The following CA10 variants were observed in gnomAD, a reference collection of about 807,000 sequenced individuals.
The protein encoded by CA10 is carbonic anhydrase-related protein 10.
CA10 carries 14 observed loss-of-function variants against 44.2 expected under a neutral mutation model. The ratio of observed to expected loss-of-function variants is 0.32; its 90% CI spans 0.21 to 0.50. The LOEUF (loss-of-function observed/expected upper bound fraction) is 0.50. Ranked by LOEUF, CA10 falls within the 20% of genes least tolerant of loss-of-function variation. The probability of loss-of-function intolerance (pLI) is 0.99; values close to 1 mark genes in which losing one functional copy is unlikely to be tolerated. For synonymous variants in CA10, 159 were observed against 141.6 expected (o/e 1.12, Z -0.87); for missense variants, 350 against 409.7 (o/e 0.85, Z 1.26).
chr17:52,025,865 T>C (rs1986284811), intron 2 of CA10, among the ~76,000 whole-genome samples: 2 of 152,080 alleles, frequency 1.3e-5, no homozygotes, highest in African/African-American at 4.8e-5. Context: ...ATGGAACCCA[T>C]ATGGGAAAGG....
intron 3 of CA10, among the ~76,000 whole-genome samples, chr17:51,886,928 T>C (rs1598100593): frequency 6.6e-6 from 1 of 152,042 alleles, no homozygotes; most frequent in Non-Finnish European, 1.5e-5. Context: ...CCCTGCTCCA[T>C]TCTCACGCCT....
intron 3 of CA10, among the ~76,000 whole-genome samples, chr17:51,873,627 T>C (rs1346720257): frequency 6.6e-6 from 1 of 152,214 alleles, no homozygotes; most frequent in African/African-American, 2.4e-5. Flanking sequence ...GCTGTGGAGA[T>C]GTTGGGCTTC....
rs557469962 is a variant in CA10, at chr17:52,113,099, T to C, written c.62-40706A>G. ...ACAACTCACAGTGTTTTTTCATCTT[T>C]AGAATCAATTAGAGGTTCTAAAGAT... is the stretch of plus-strand genomic sequence containing the variant. On this transcript the variant is annotated intron_variant, in intron 1 of 8. Transcript: ENST00000451037. Among the ~76,000 whole-genome samples, 3 of 152,220 alleles carry C rather than the reference T, an allele frequency of 2.0e-5. No homozygotes were observed. The South Asian group carries it at 6.2e-4, about 32-fold the overall frequency.
chr17:51,729,687 T>G (rs896648553), intron 4 of CA10, among the ~76,000 whole-genome samples: 14 of 152,224 alleles, frequency 9.2e-5, no homozygotes, highest in Non-Finnish European at 1.5e-4. Flanking sequence ...TGCTGGTGAC[T>G]AAAGAGGCAT....
intron 4 of CA10, among the ~76,000 whole-genome samples, chr17:51,669,431 G>A (rs1435748441): frequency 6.6e-6 from 1 of 152,108 alleles, no homozygotes; most frequent in Non-Finnish European, 1.5e-5. Context: ...GGTGGGGTCA[G>A]ATAAGGGAAT....
intron 3 of CA10, among the ~76,000 whole-genome samples, chr17:51,775,345 C>T (rs1408340628): frequency 6.6e-6 from 1 of 152,166 alleles, no homozygotes; most frequent in African/African-American, 2.4e-5. Context: ...ATTCACTTTG[C>T]AGCATATGTT....
chr17:51,830,675 G>A (rs1233862248), intron 3 of CA10, among the ~76,000 whole-genome samples: 1 of 152,174 alleles, frequency 6.6e-6, no homozygotes, highest in East Asian at 1.9e-4. Flanking sequence ...AGGCCAACAT[G>A]CAGCCTCTCT....
At chr17:51,961,501 TAG>T (rs1358630319) in intron 2 of CA10, among the ~76,000 whole-genome samples, 1 of 151,462 alleles carries the variant, frequency 6.6e-6, no homozygotes, top group Admixed American at 6.6e-5. Flanking sequence ...AAACAACAGA[TAG>T]AGTCAATGAA....
intron 3 of CA10, among the ~76,000 whole-genome samples, chr17:51,753,360 AAC>A (rs1289635776): frequency 1.2e-4 from 18 of 152,228 alleles, no homozygotes; most frequent in African/African-American, 4.3e-4. Context: ...TTGCATAGCA[AAC>A]ACAGTGCTTT....
At chr17:52,040,728 C>T (rs1986745147) in intron 2 of CA10, among the ~76,000 whole-genome samples, 1 of 151,896 alleles carries the variant, frequency 6.6e-6, no homozygotes, top group Non-Finnish European at 1.5e-5. Context: ...GTGGAGGGGA[C>T]AGAGTTCAGA....
chr17:51,822,061 C>T (rs976574594), intron 3 of CA10, among the ~76,000 whole-genome samples: 1 of 152,114 alleles, frequency 6.6e-6, no homozygotes, highest in Non-Finnish European at 1.5e-5. Context: ...CCTAGACTAT[C>T]CTTTCTACAG....
At chr17:52,016,394 A>G (rs778018310) in intron 2 of CA10, among the ~76,000 whole-genome samples, 5 of 152,136 alleles carry the variant, frequency 3.3e-5, no homozygotes, top group South Asian at 2.1e-4. Flanking sequence ...GGGAATTTCA[A>G]TCACCACTCG....
At chr17:51,831,424 T>C (rs1444473902) in intron 3 of CA10, among the ~76,000 whole-genome samples, 4 of 152,150 alleles carry the variant, frequency 2.6e-5, no homozygotes, top group South Asian at 2.1e-4. Context: ...GGGGCAGGAA[T>C]AGGTGATTTC....
chr17:52,055,260 C>T (rs1987193095), intron 2 of CA10, among the ~76,000 whole-genome samples: 1 of 150,302 alleles, frequency 6.7e-6, no homozygotes, highest in African/African-American at 2.4e-5. Context: ...ACCAGATGAA[C>T]TGTCAGTAAA....
intron 2 of CA10, among the ~76,000 whole-genome samples, chr17:51,961,391 A>C (rs777535688): frequency 6.6e-5 from 10 of 152,290 alleles, no homozygotes; most frequent in Middle Eastern, 3.4e-3. Context: ...TTTCCATATT[A>C]AAATATTAGA....
chr17:51,878,791 T>C (rs1980203895), intron 3 of CA10, among the ~76,000 whole-genome samples: 1 of 135,144 alleles, frequency 7.4e-6, no homozygotes, highest in Non-Finnish European at 1.6e-5. Context: ...ACAAACAGGG[T>C]GCTCTTCCAA....
At chr17:52,118,558 C>A (rs1248194200) in intron 1 of CA10, among the ~76,000 whole-genome samples, 1 of 152,048 alleles carries the variant, frequency 6.6e-6, no homozygotes, top group Non-Finnish European at 1.5e-5. Flanking sequence ...GCCCCTGGAG[C>A]ACCCAAAAGA....
chr17:51,988,153 G>T (rs1429561177), intron 2 of CA10, among the ~76,000 whole-genome samples: 2 of 151,984 alleles, frequency 1.3e-5, no homozygotes, highest in Non-Finnish European at 2.9e-5. Context: ...ATTTGAAATT[G>T]AACTTGGATT....
intron 3 of CA10, among the ~76,000 whole-genome samples, chr17:51,849,203 A>ATGTGTGTG (rs1479077500): frequency 1.3e-3 from 58 of 43,236 alleles, no homozygotes; most frequent in African/African-American, 4.8e-3. Flanking sequence ...ATATACATAT[A>ATGTGTGTG]TGTATATATA....
Sources: gnomAD v4.1 joint callset for allele counts (sites outside exome capture counted in the v4.1 genomes callset) on GRCh38, gnomAD v4.1.1 for gene constraint, MANE v1.5 for transcripts, NCBI Gene and HGNC (gene_info 2026-07-23, HGNC 2026-07-21) for gene names.